Variants in MARCHF7 observed in about 807,000 individuals in gnomAD.
The protein encoded by MARCHF7 is membrane associated ring-CH-type finger 7.
In MARCHF7, 20 loss-of-function variants were observed where a neutral mutation model predicts 76.5. That is an observed-to-expected ratio of 0.26 (90% confidence interval 0.18 to 0.38). MARCHF7 has a LOEUF of 0.38. Ranked by LOEUF, MARCHF7 falls within the 10% of genes least tolerant of loss-of-function variation. The pLI, the probability that MARCHF7 is intolerant of heterozygous loss-of-function variation, is 1.00. For synonymous variants in MARCHF7, 295 were observed against 293.0 expected, an observed-to-expected ratio of 1.01 and a Z score of -0.07; for missense variants, 797 against 812.9, an observed-to-expected ratio of 0.98 and a Z score of 0.24.
intron 11 of MARCHF7, 33 bp downstream of exon 11, chr2:159,764,707 A>AAC (rs1560031382): frequency 6.4e-7 from 1 of 1,568,044 alleles, no homozygotes; most frequent in Admixed American, 1.8e-5. Flanking sequence ...AGACTTGTTG[A>AAC]ATTTACTTTT....
At chr2:159,748,985 T>TTTC in intron 7 of MARCHF7, 82 bp downstream of exon 7, 1 of 1,289,590 alleles carries the variant, frequency 7.8e-7, no homozygotes, top group Non-Finnish European at 1.0e-6. Context: ...TTTCTTTTTT[T>TTTC]TTTTTTTTTT....
chr2:159,722,453 C>T (rs1272657981), intron 3 of MARCHF7, among the ~76,000 whole-genome samples: 1 of 152,142 alleles, frequency 6.6e-6, no homozygotes, highest in Middle Eastern at 3.2e-3. Flanking sequence ...TCCTTTGTAG[C>T]ACTTAGAACT....
At chr2:159,763,467 G>A (rs1707352520) in intron 10 of MARCHF7, among the ~76,000 whole-genome samples, 1 of 152,164 alleles carries the variant, frequency 6.6e-6, no homozygotes, top group South Asian at 2.1e-4. Flanking sequence ...ATAGTTGGTT[G>A]TTTACTGTGT....
chr2:159,746,030 G>A (rs570351909), intron 6 of MARCHF7, 93 bp downstream of exon 6: 7 of 963,398 alleles, frequency 7.3e-6, no homozygotes, highest in Non-Finnish European at 1.0e-5. Context: ...GGAGTAAAGT[G>A]TATATTTTGT....
chr2:159,763,717 T>G (rs1176729523), intron 10 of MARCHF7, among the ~76,000 whole-genome samples: 1 of 152,220 alleles, frequency 6.6e-6, no homozygotes, highest in Non-Finnish European at 1.5e-5. Context: ...ACTTCGGTGA[T>G]AAAAGTGTAG....
At chr2:159,759,438 TAATA>T (rs2125697038) in intron 9 of MARCHF7, 103 bp downstream of exon 9, 1 of 529,130 alleles carries the variant, frequency 1.9e-6, no homozygotes, top group Admixed American at 3.3e-5. Context: ...ATTAAAATAA[TAATA>T]ATAACAGTGA....
chr2:159,752,671 A>G (rs892154027), intron 8 of MARCHF7, 100 bp downstream of exon 8: 47 of 1,101,772 alleles, frequency 4.3e-5, no homozygotes, highest in Non-Finnish European at 5.3e-5. Flanking sequence ...TAGACTTTTA[A>G]CAAGTGTCTT....
rs1700281129 is a variant in MARCHF7, at chr2:159,712,510, C to CA, written c.-239_-238insA. 1 of 152,844 alleles carries CA rather than the reference C, an allele frequency of 6.5e-6. No individual in the cohort carries two copies. The highest frequency in any genetic ancestry group is 2.4e-5 in the African/African-American group (1 of 41,448). The allele number at this position is 152,844 out of a possible 1,614,324, so 9.5% of individuals were successfully genotyped here. On this transcript the variant is annotated 5_prime_UTR_variant, in exon 1 of 12. It adds an upstream start codon to the 5' untranslated region. Coordinates refer to ENST00000409175, the MANE Select transcript of MARCHF7 (RefSeq NM_001282805.2). ...GGGCACTTAACGGTGGTGGCTGGTT[C>CA]TGCGCCGGATCCGGGAGAGGGGCGG...
chr2:159,762,598 A>G (rs1354874400), intron 9 of MARCHF7, among the ~76,000 whole-genome samples: 1 of 152,230 alleles, frequency 6.6e-6, no homozygotes, highest in Non-Finnish European at 1.5e-5. Flanking sequence ...TATGAGCTTT[A>G]TAGAAAACCA....
chr2:159,734,224 C>T (rs1703175352), intron 4 of MARCHF7: 1 of 744,620 alleles, frequency 1.3e-6, no homozygotes, highest in African/African-American at 1.8e-5. Context: ...AGTGTTTGTT[C>T]TGTTTTGCCT....
At chr2:159,757,419 G>A (rs1424982913) in intron 8 of MARCHF7, among the ~76,000 whole-genome samples, 1 of 152,188 alleles carries the variant, frequency 6.6e-6, no homozygotes, top group African/African-American at 2.4e-5. Flanking sequence ...GATATACAAA[G>A]ATGAATAAAA....
chr2:159,733,020 G>T (rs1487340064), intron 4 of MARCHF7: 2 of 665,460 alleles, frequency 3.0e-6, no homozygotes. Context: ...AGGGGTTCAG[G>T]TGTTACTAAT....
Position 159,743,663 on chromosome 2 carries a change from G to T in MARCHF7, c.346+410G>T, listed in dbSNP as rs560426136. On this transcript the variant is annotated intron_variant, in intron 5 of 11. Transcript: ENST00000409175. ...ATATTTATTTTCAGAAAATACGGAG[G>T]CTAAGGCAGGATGATCGCTTGAGGC... Among the ~76,000 whole-genome samples, 5 of 152,100 alleles carry T rather than the reference G, an allele frequency of 3.3e-5. No individual in the cohort carries two copies. In the East Asian group the frequency reaches 9.6e-4, roughly 29 times the overall value.
intron 3 of MARCHF7, among the ~76,000 whole-genome samples, chr2:159,727,516 A>AG (rs1319208443): frequency 6.6e-6 from 1 of 152,136 alleles, no homozygotes; most frequent in Non-Finnish European, 1.5e-5. Context: ...TGAACCCAGG[A>AG]GGTGGAGCTT....
intron 9 of MARCHF7, among the ~76,000 whole-genome samples, 197 bp from the exon 10 acceptor site, chr2:159,762,683 T>C (rs1039695007): frequency 2.0e-5 from 3 of 152,204 alleles, no homozygotes; most frequent in African/African-American, 7.2e-5. Context: ...GAAGACTATG[T>C]GAGAATAAAA....
intron 4 of MARCHF7, among the ~76,000 whole-genome samples, chr2:159,741,527 A>G (rs1704125825): frequency 6.6e-6 from 1 of 152,144 alleles, no homozygotes; most frequent in African/African-American, 2.4e-5. Context: ...CACTGTACTT[A>G]CTATTATAGT....
chr2:159,736,695 A>T (rs1377051711), intron 4 of MARCHF7, among the ~76,000 whole-genome samples: 1 of 152,276 alleles, frequency 6.6e-6, no homozygotes, highest in East Asian at 1.9e-4. Flanking sequence ...CTATACTTCC[A>T]GTAAACCTCT....
Position 159,719,171 on chromosome 2 carries a change from A to T in MARCHF7, c.-15+3405A>T, listed in dbSNP as rs549611710. On this transcript the variant is annotated intron_variant, in intron 3 of 11. Coordinates refer to ENST00000409175, the MANE Select transcript of MARCHF7 (RefSeq NM_001282805.2). ...TTTTTTTGTATTTTTAGTAAAGACGAGGTTTCACCGTGTTGGCCAGGCTGG... is the reference window on the plus strand; with the variant it reads ...TTTTTTTGTATTTTTAGTAAAGACGTGGTTTCACCGTGTTGGCCAGGCTGG... 4.6e-5 allele frequency among the ~76,000 whole-genome samples: 7 copies of T among 152,188 alleles called. No individual in the cohort carries two copies. The South Asian group carries it at 1.5e-3, about 32-fold the overall frequency.
At position 159,748,303 on chromosome 2, in the gene MARCHF7, A is replaced by G; in HGVS notation, c.1013A>G (p.Asp338Gly). 2.5e-6 allele frequency: 4 copies of G among 1,613,354 alleles called. No individual in the cohort carries two copies. Among genetic ancestry groups the G allele is most frequent in the Non-Finnish European group, 2.5e-6 (3 of 1,179,926 alleles). Residue 338 changes from aspartate to glycine, a missense_variant, in exon 7 of 12, where the codon GAT becomes GGT. By Grantham distance (94) the Asp-to-Gly change is moderately conservative. This residue lies in a region of MARCHF7 where 643 missense variants were observed against 631.5 expected (regional missense o/e 1.02). Coordinates refer to ENST00000409175, the MANE Select transcript of MARCHF7 (RefSeq NM_001282805.2). Reference sequence around the variant, plus strand: ...GTACCATCAGCTTCTGAAGTTCCCGATAATAGGGCATCTGAAGCTTCTCAG... The same window carrying G: ...GTACCATCAGCTTCTGAAGTTCCCGGTAATAGGGCATCTGAAGCTTCTCAG... ...SNVPSASEVP[D>G]NRASEASQGF... is the part of the protein sequence containing the mutation.
Sources: allele counts gnomAD v4.1 joint callset (sites outside exome capture counted in the v4.1 genomes callset), GRCh38; gene constraint gnomAD v4.1.1; regional missense constraint gnomAD v4.1.1; transcripts MANE v1.5; gene names NCBI Gene and HGNC (gene_info 2026-07-23, HGNC 2026-07-21).